The following ZNF385D variants were observed in gnomAD, a reference collection of about 807,000 sequenced individuals.
ZNF385D encodes the protein zinc finger protein 385D.
In ZNF385D, 15 loss-of-function variants were observed where a neutral mutation model predicts 35.8. That is an observed-to-expected ratio of 0.42 (90% CI 0.28 to 0.64). The LOEUF (loss-of-function observed/expected upper bound fraction) is 0.64. Ranked by LOEUF, ZNF385D falls within the 30% of genes least tolerant of loss-of-function variation. The pLI is 0.23. For synonymous variants in ZNF385D, 212 were observed against 186.8 expected (o/e 1.13, Z -1.10); for missense variants, 474 against 494.6 (o/e 0.96, Z 0.39).
chr3:22,237,749 T>G (rs1038407496), intron 2 of ZNF385D, among the ~76,000 whole-genome samples: 1 of 152,128 alleles, frequency 6.6e-6, no homozygotes, highest in Non-Finnish European at 1.5e-5. Context: ...GTTCAAGCGA[T>G]TCTCCTGCCT....
intron 2 of ZNF385D, among the ~76,000 whole-genome samples, chr3:22,196,242 G>A (rs1314849535): frequency 6.6e-6 from 1 of 152,046 alleles, no homozygotes; most frequent in African/African-American, 2.4e-5. Context: ...TATGCATGTA[G>A]GTTTTGAGTA....
At chr3:21,813,796 G>C (rs1370019822) in intron 3 of ZNF385D, among the ~76,000 whole-genome samples, 1 of 152,130 alleles carries the variant, frequency 6.6e-6, no homozygotes, top group South Asian at 2.1e-4. Context: ...TTATCCAGGA[G>C]AACCTCCCCA....
At chr3:21,433,480 G>C (rs6781161) in intron 5 of ZNF385D, among the ~76,000 whole-genome samples, 5,807 of 152,216 alleles carry the variant, frequency 0.038, 333 homozygotes, top group African/African-American at 0.13. Flanking sequence ...CTGGTTCCCT[G>C]AAAACACAAT....
At chr3:21,498,770 C>T (rs1169631470) in intron 4 of ZNF385D, among the ~76,000 whole-genome samples, 2 of 151,634 alleles carry the variant, frequency 1.3e-5, no homozygotes, top group African/African-American at 2.4e-5. Flanking sequence ...GGTGAAACCC[C>T]GTCTCTACTA....
chr3:21,705,015 G>A (rs2067847140), intron 1 of ZNF385D, among the ~76,000 whole-genome samples: 1 of 152,168 alleles, frequency 6.6e-6, no homozygotes, highest in South Asian at 2.1e-4. Context: ...AGGGGCAGTT[G>A]GGACTCAACT....
At chr3:21,808,298 T>G (rs574011306) in intron 3 of ZNF385D, among the ~76,000 whole-genome samples, 2 of 152,188 alleles carry the variant, frequency 1.3e-5, no homozygotes, top group African/African-American at 4.8e-5. Flanking sequence ...TAACACACAC[T>G]CTCTTTACAA....
At position 21,908,700 on chromosome 3, in the gene ZNF385D, A is replaced by C. The variant is rs184419005; in HGVS notation, c.326-243672T>G. On this transcript the variant is annotated intron_variant, in intron 3 of 5. Coordinates refer to the ZNF385D transcript ENST00000494108. ...ACAGAAGAAATTCCAGGGAAAGAAA[A>C]CAGCATGGGCAAAGTTCTCAACTCC... Among the ~76,000 whole-genome samples the C allele has an allele frequency of 1.3e-3, 205 of 152,170 alleles. 1 individual carries two copies. Among genetic ancestry groups the C allele is most frequent in the Non-Finnish European group, 2.5e-3 (168 of 67,972 alleles).
intron 1 of ZNF385D, among the ~76,000 whole-genome samples, chr3:21,732,022 T>G (rs2069022068): frequency 1.5e-5 from 2 of 134,874 alleles, no homozygotes; most frequent in Admixed American, 7.9e-5. Flanking sequence ...TTTTTTTCTT[T>G]TTTCGGGGTT....
At position 21,592,650 on chromosome 3, in the gene ZNF385D, T is replaced by C. The variant is rs934370387; in HGVS notation, c.166-27966A>G. Among the ~76,000 whole-genome samples the C allele has an allele frequency of 1.2e-4, 18 of 152,212 alleles. No homozygotes were observed. In the South Asian group the frequency reaches 3.1e-3, roughly 26 times the overall value. On this transcript the variant is annotated intron_variant, in intron 2 of 7. Coordinates refer to ENST00000281523, the MANE Select transcript of ZNF385D (RefSeq NM_024697.3). ...AAAAATCTATCTGCAGTAAAGCTTA[T>C]GTTTGCTCAAACTCCCATTCTCAAA...
At chr3:22,276,831 A>C (rs1296649751) in intron 2 of ZNF385D, among the ~76,000 whole-genome samples, 1 of 152,136 alleles carries the variant, frequency 6.6e-6, no homozygotes, top group African/African-American at 2.4e-5. Flanking sequence ...GAATGGAACA[A>C]AATAATAAAG....
intron 3 of ZNF385D, among the ~76,000 whole-genome samples, chr3:21,872,286 G>A (rs541073148): frequency 6.6e-6 from 1 of 152,122 alleles, no homozygotes; most frequent in Non-Finnish European, 1.5e-5. Flanking sequence ...ATTTGAGCAT[G>A]TTTGAAGTTG....
intron 2 of ZNF385D, among the ~76,000 whole-genome samples, chr3:22,245,976 C>A (rs530649320): frequency 6.4e-4 from 97 of 152,108 alleles, no homozygotes; most frequent in Non-Finnish European, 1.3e-3. Context: ...GAGCTCAGTC[C>A]CAACCAATCT....
At chr3:22,268,691 T>C (rs948329825) in intron 2 of ZNF385D, among the ~76,000 whole-genome samples, 3 of 152,068 alleles carry the variant, frequency 2.0e-5, no homozygotes, top group Admixed American at 1.3e-4. Flanking sequence ...TAAGCAGATA[T>C]AACTTAATCT....
intron 2 of ZNF385D, among the ~76,000 whole-genome samples, chr3:21,603,246 A>G (rs979420253): frequency 6.6e-6 from 1 of 152,246 alleles, no homozygotes; most frequent in Non-Finnish European, 1.5e-5. Context: ...GTTGCTAAGA[A>G]GGTGAGGCAA....
At chr3:21,705,674 G>A (rs1225086279) in intron 1 of ZNF385D, among the ~76,000 whole-genome samples, 4 of 152,148 alleles carry the variant, frequency 2.6e-5, no homozygotes, top group Non-Finnish European at 5.9e-5. Context: ...CTTGTCCATG[G>A]TCATATGATG....
chr3:22,064,651 C>T (rs1213358412), intron 3 of ZNF385D, among the ~76,000 whole-genome samples: 1 of 152,132 alleles, frequency 6.6e-6, no homozygotes, highest in African/African-American at 2.4e-5. Flanking sequence ...ACAGATGAAC[C>T]TGGAGGACCT....
intron 2 of ZNF385D, among the ~76,000 whole-genome samples, chr3:22,207,636 C>T (rs1697242495): frequency 1.3e-5 from 2 of 151,868 alleles, no homozygotes; most frequent in Non-Finnish European, 1.5e-5. Flanking sequence ...ATGAAACAAT[C>T]AACAAAGTGA....
At chr3:22,047,805 T>A (rs1699095597) in intron 3 of ZNF385D, among the ~76,000 whole-genome samples, 1 of 152,134 alleles carries the variant, frequency 6.6e-6, no homozygotes, top group South Asian at 2.1e-4. Context: ...TATTTTTAAT[T>A]TTTTGAGGAA....
At chr3:21,731,439 C>T (rs773353532) in intron 1 of ZNF385D, among the ~76,000 whole-genome samples, 2 of 152,146 alleles carry the variant, frequency 1.3e-5, no homozygotes, top group African/African-American at 4.8e-5. Flanking sequence ...TAGCCTGTCC[C>T]GTTACCAACA....
Sources: allele counts gnomAD v4.1 joint callset (sites outside exome capture counted in the v4.1 genomes callset), GRCh38; gene constraint gnomAD v4.1.1; transcripts MANE v1.5; gene names NCBI Gene and HGNC (gene_info 2026-07-23, HGNC 2026-07-21).